The following MTHFD1 variants were observed in gnomAD, a reference collection of about 807,000 sequenced individuals.
The protein encoded by MTHFD1 is methylenetetrahydrofolate dehydrogenase, cyclohydrolase and formyltetrahydrofolate synthetase 1.
MTHFD1 carries 44 observed loss-of-function variants against 110.3 expected under a neutral mutation model. The ratio of observed to expected loss-of-function variants is 0.40; its 90% CI spans 0.31 to 0.51. MTHFD1 has a LOEUF of 0.51. Ranked by LOEUF, MTHFD1 falls within the 20% of genes least tolerant of loss-of-function variation. MTHFD1 has a pLI of 0.60. For missense variants in MTHFD1, 909 were observed against 1,173.1 expected, an observed-to-expected ratio of 0.77 and a Z score of 3.29; for synonymous variants, 402 against 428.8, an observed-to-expected ratio of 0.94 and a Z score of 0.77.
intron 8 of MTHFD1, among the ~76,000 whole-genome samples, chr14:64,422,474 A>G (rs1162767621): frequency 6.6e-6 from 1 of 152,206 alleles, no homozygotes; most frequent in African/African-American, 2.4e-5. Context: ...TAAAGATTCA[A>G]GTGCAGGGCA....
chr14:64,420,432 C>T (rs908868693), intron 8 of MTHFD1, among the ~76,000 whole-genome samples: 2 of 152,180 alleles, frequency 1.3e-5, no homozygotes, highest in Non-Finnish European at 2.9e-5. Flanking sequence ...TCCTCATCCC[C>T]AAGTTACCCC....
chr14:64,441,661 C>G (rs987434196), intron 19 of MTHFD1: 1 of 585,170 alleles, frequency 1.7e-6, no homozygotes, highest in African/African-American at 1.8e-5. Context: ...AAAAAATTAG[C>G]CGGGCATGGT....
At chr14:64,425,540 A>T (rs988559749) in intron 9 of MTHFD1, among the ~76,000 whole-genome samples, 190 bp from the exon 10 acceptor site, 22 of 152,088 alleles carry the variant, frequency 1.4e-4, no homozygotes, top group African/African-American at 5.3e-4. Flanking sequence ...GCACCAGCTG[A>T]CAGGGGCCAG....
chr14:64,415,530 G>A (rs768809065), intron 5 of MTHFD1, 36 bp downstream of exon 5: 2 of 1,613,860 alleles, frequency 1.2e-6, no homozygotes, highest in Non-Finnish European at 1.7e-6. Flanking sequence ...CTCATTGCAT[G>A]CTTTCATTTA....
At chr14:64,393,059 T>C (rs1023940615) in intron 1 of MTHFD1, among the ~76,000 whole-genome samples, 2 of 152,224 alleles carry the variant, frequency 1.3e-5, no homozygotes, top group Non-Finnish European at 2.9e-5. Context: ...ATAAGACTTT[T>C]ACTTTGTCCT....
chr14:64,426,005 CTA>C lies in MTHFD1; in HGVS notation c.954-12_954-11del, dbSNP rs765520798. On this transcript the variant is annotated splice_polypyrimidine_tract_variant and intron_variant, in intron 10 of 27. Transcript: ENST00000652337. ...GTGGATAAACATTAATACCTATTTT[CTA>C]TGTTTCCAAAGTGACATTGATATAT... 1.2e-6 allele frequency: 2 copies of C among 1,613,386 alleles called. No individual in the cohort carries two copies. Among genetic ancestry groups the C allele is most frequent in the East Asian group, 4.5e-5 (2 of 44,872 alleles).
intron 2 of MTHFD1, among the ~76,000 whole-genome samples, chr14:64,401,505 C>T (rs1167013459): frequency 6.6e-6 from 1 of 152,084 alleles, no homozygotes. Flanking sequence ...GAGTTTGAGA[C>T]CAGCCTGGCC....
At chr14:64,440,438 C>T in intron 18 of MTHFD1, 172 bp downstream of exon 18, 1 of 808,490 alleles carries the variant, frequency 1.2e-6, no homozygotes, top group South Asian at 1.5e-5. Flanking sequence ...TTAAAAAGTA[C>T]ATCAGAGTGA....
At chr14:64,389,330 T>C (rs2077786771) in intron 1 of MTHFD1, among the ~76,000 whole-genome samples, 1 of 152,228 alleles carries the variant, frequency 6.6e-6, no homozygotes, top group African/African-American at 2.4e-5. Flanking sequence ...TAAGTAACTG[T>C]TGCCAGCCAC....
At chr14:64,456,951 T>G (rs1040569682) in intron 26 of MTHFD1, among the ~76,000 whole-genome samples, 2 of 152,222 alleles carry the variant, frequency 1.3e-5, no homozygotes, top group African/African-American at 4.8e-5. Flanking sequence ...ATATAGGACA[T>G]TGTTACAGAT....
chr14:64,439,826 G>A (rs1197301085), intron 17 of MTHFD1, among the ~76,000 whole-genome samples: 4 of 150,330 alleles, frequency 2.7e-5, no homozygotes, highest in African/African-American at 9.8e-5. Context: ...CCCAGGAGGT[G>A]GATGTTGCAT....
chr14:64,411,816 G>A lies in MTHFD1; in HGVS notation c.187-656G>A, dbSNP rs373827009. Among the ~76,000 whole-genome samples, 25 of 152,212 alleles carry A rather than the reference G, an allele frequency of 1.6e-4. No individual in the cohort carries two copies. The South Asian group carries it at 1.9e-3, about 11-fold the overall frequency. ...CTCGGGAGGCTGAGGCAGGAGAATCGCTTGAACCTGGGAGGCGGAGGTTGT... is the reference window on the plus strand; with the variant it reads ...CTCGGGAGGCTGAGGCAGGAGAATCACTTGAACCTGGGAGGCGGAGGTTGT... On this transcript the variant is annotated intron_variant, in intron 3 of 27. Coordinates refer to ENST00000652337, the MANE Select transcript of MTHFD1 (RefSeq NM_005956.4).
intron 13 of MTHFD1, among the ~76,000 whole-genome samples, 174 bp from the exon 14 acceptor site, chr14:64,431,358 A>G (rs59397130): frequency 0.064 from 9,658 of 152,068 alleles, 525 homozygotes; most frequent in African/African-American, 0.16. Context: ...GAGCTACCAC[A>G]CCCAGCCAGT....
intron 13 of MTHFD1, among the ~76,000 whole-genome samples, chr14:64,430,871 TA>T (rs1421374077): frequency 6.6e-6 from 1 of 152,104 alleles, no homozygotes; most frequent in African/African-American, 2.4e-5. Context: ...TACATAGACA[TA>T]GAGTCGGTGC....
rs919128263 is a variant in MTHFD1 at position 64,431,643 on chromosome 14, G to A, written c.1419+4G>A. 2 of 1,613,474 alleles carry A rather than the reference G, an allele frequency of 1.2e-6. No individual in the cohort carries two copies. Among genetic ancestry groups the A allele is most frequent in the Non-Finnish European group, 1.7e-6 (2 of 1,179,388 alleles). On this transcript the variant is annotated splice_donor_region_variant and intron_variant, in intron 14 of 27. Coordinates refer to ENST00000652337, the MANE Select transcript of MTHFD1 (RefSeq NM_005956.4). ...TGAACTGACCCAGACAGACAAGGTA[G>A]GATGCCAAAGCCCCATGAACCCCAT...
chr14:64,444,907 T>C, intron 22 of MTHFD1, 173 bp downstream of exon 22: 1 of 699,478 alleles, frequency 1.4e-6, no homozygotes, highest in Non-Finnish European at 2.6e-6. Flanking sequence ...ATAGGGAAGA[T>C]GTACCTCACA....
intron 1 of MTHFD1, among the ~76,000 whole-genome samples, chr14:64,392,511 T>C (rs1453678145): frequency 6.6e-6 from 1 of 152,206 alleles, no homozygotes; most frequent in Admixed American, 6.5e-5. Flanking sequence ...TTAAGTCTCC[T>C]TTCTAAAGAG....
chr14:64,395,169 C>T (rs1436717357), intron 1 of MTHFD1, among the ~76,000 whole-genome samples: 1 of 152,244 alleles, frequency 6.6e-6, no homozygotes, highest in Non-Finnish European at 1.5e-5. Context: ...ACTCTTGCTA[C>T]TGGCAGAAGG....
intron 15 of MTHFD1, among the ~76,000 whole-genome samples, chr14:64,432,864 C>G (rs1047411414): frequency 6.6e-6 from 1 of 152,212 alleles, no homozygotes; most frequent in African/African-American, 2.4e-5. Context: ...AAGCAATCCT[C>G]TCATCTTAGC....
Sources: gnomAD v4.1 joint callset for allele counts (sites outside exome capture counted in the v4.1 genomes callset) on GRCh38, gnomAD v4.1.1 for gene constraint, MANE v1.5 for transcripts, NCBI Gene and HGNC (gene_info 2026-07-23, HGNC 2026-07-21) for gene names.